Variants in MAGI2 observed in about 807,000 individuals in gnomAD.
MAGI2 encodes the protein membrane-associated guanylate kinase, WW and PDZ domain-containing protein 2.
In MAGI2, 35 loss-of-function variants were observed where a neutral mutation model predicts 133.3. That is an observed-to-expected ratio of 0.26 (90% confidence interval 0.20 to 0.35). MAGI2 has a LOEUF of 0.35. Among genes scored for constraint, MAGI2 ranks in the 10% least tolerant of loss-of-function variants. The probability of loss-of-function intolerance (pLI) is 1.00; values close to 1 mark genes in which losing one functional copy is unlikely to be tolerated. For synonymous variants in MAGI2, 729 were observed against 710.6 expected (o/e 1.03, Z -0.41); for missense variants, 1,636 against 1,863.4 (o/e 0.88, Z 2.25).
chr7:79,133,390 T>A (rs1585007951), intron 1 of MAGI2, among the ~76,000 whole-genome samples: 1 of 152,174 alleles, frequency 6.6e-6, no homozygotes, highest in Non-Finnish European at 1.5e-5. Flanking sequence ...TTTCCCAGCA[T>A]CACTTATTAA....
intron 1 of MAGI2, among the ~76,000 whole-genome samples, chr7:79,159,318 A>G (rs2129547580): frequency 6.6e-6 from 1 of 152,058 alleles, no homozygotes; most frequent in East Asian, 1.9e-4. Flanking sequence ...GTTTGAGACC[A>G]GCCTGGCCAA....
chr7:78,785,088 C>A (rs1339272934), intron 2 of MAGI2, among the ~76,000 whole-genome samples: 2 of 152,052 alleles, frequency 1.3e-5, no homozygotes, highest in Non-Finnish European at 2.9e-5. Flanking sequence ...GTTCACTAAA[C>A]AAAATGAACA....
intron 1 of MAGI2, among the ~76,000 whole-genome samples, chr7:79,173,429 G>A (rs1447814399): frequency 1.3e-5 from 2 of 151,934 alleles, no homozygotes; most frequent in African/African-American, 4.8e-5. Context: ...GGGCTCAAGT[G>A]ATCCTTCCAC....
At chr7:78,276,413 T>C (rs1050882822) in intron 9 of MAGI2, among the ~76,000 whole-genome samples, 93 of 152,260 alleles carry the variant, frequency 6.1e-4, no homozygotes, top group African/African-American at 2.2e-3. Flanking sequence ...AATCTGACAA[T>C]GCATCTACTT....
chr7:78,132,095 G>C (rs1821618477), intron 18 of MAGI2, among the ~76,000 whole-genome samples: 2 of 152,098 alleles, frequency 1.3e-5, no homozygotes, highest in Admixed American at 6.5e-5. Context: ...GGCTGGTCTT[G>C]AACTCCTGGG....
chr7:78,392,010 C>T lies in MAGI2; in HGVS notation c.1046-22797G>A, dbSNP rs558359328. On this transcript the variant is annotated intron_variant, in intron 6 of 21. Coordinates refer to ENST00000354212, the MANE Select transcript of MAGI2 (RefSeq NM_012301.4). ...GCAGGTAGTGAGAGCTGAAACTGGCCAGACATCGGCTCAGCTGTTCGACAG... is the reference window on the plus strand; with the variant it reads ...GCAGGTAGTGAGAGCTGAAACTGGCTAGACATCGGCTCAGCTGTTCGACAG... Among the ~76,000 whole-genome samples the T allele has an allele frequency of 2.0e-5, 3 of 152,272 alleles. No individual in the cohort carries two copies. In the South Asian group the frequency reaches 6.2e-4, roughly 32 times the overall value.
At chr7:79,425,619 C>T (rs980390673) in intron 1 of MAGI2, among the ~76,000 whole-genome samples, 4 of 148,218 alleles carry the variant, frequency 2.7e-5, no homozygotes, top group East Asian at 2.0e-4. Context: ...TGTATATATA[C>T]GTTTTGATTA....
chr7:78,600,375 GCATA>G (rs1300853060), intron 3 of MAGI2, among the ~76,000 whole-genome samples: 2 of 152,036 alleles, frequency 1.3e-5, no homozygotes, highest in Non-Finnish European at 2.9e-5. Flanking sequence ...TCTAGAGCCT[GCATA>G]CAGTTAGCAA....
Position 78,019,106 on chromosome 7 carries a change from C to G in MAGI2, c.*209G>C. 1 of 493,248 alleles carries G rather than the reference C, an allele frequency of 2.0e-6. No homozygotes were observed. Among genetic ancestry groups the G allele is most frequent in the African/African-American group, 2.0e-5 (1 of 49,702 alleles). The allele number at this position is 493,248 out of a possible 1,614,324, so 30.6% of individuals were successfully genotyped here. Reference sequence around the variant, plus strand: ...AGCTGCCAAAGCCCCCACAAGGGAACCGGGGGCTTTAGGATCAGTTTAGGT... The same window carrying G: ...AGCTGCCAAAGCCCCCACAAGGGAAGCGGGGGCTTTAGGATCAGTTTAGGT... On this transcript the variant is annotated 3_prime_UTR_variant, in exon 22 of 22. Coordinates refer to ENST00000354212, the MANE Select transcript of MAGI2 (RefSeq NM_012301.4).
chr7:79,249,530 A>G (rs1043543149), intron 1 of MAGI2, among the ~76,000 whole-genome samples: 4 of 152,142 alleles, frequency 2.6e-5, no homozygotes, highest in South Asian at 2.1e-4. Flanking sequence ...ATTATATGCC[A>G]ATGAATTGGA....
chr7:78,992,306 A>G (rs1051906925), intron 2 of MAGI2, among the ~76,000 whole-genome samples: 32 of 152,114 alleles, frequency 2.1e-4, no homozygotes, highest in African/African-American at 7.5e-4. Context: ...AGAGAATAGG[A>G]CGTATGTCTT....
At chr7:78,331,722 A>G (rs1427074341) in intron 9 of MAGI2, among the ~76,000 whole-genome samples, 2 of 152,274 alleles carry the variant, frequency 1.3e-5, no homozygotes, top group East Asian at 3.9e-4. Context: ...TATACCCAGT[A>G]GCATACTCTG....
chr7:78,545,552 T>A (rs977562595), intron 3 of MAGI2, among the ~76,000 whole-genome samples: 2 of 152,126 alleles, frequency 1.3e-5, no homozygotes, highest in South Asian at 4.1e-4. Context: ...TTTAAACAGA[T>A]TGTGTTTACC....
intron 2 of MAGI2, among the ~76,000 whole-genome samples, chr7:78,676,662 A>G (rs1253849486): frequency 6.6e-6 from 1 of 151,960 alleles, no homozygotes; most frequent in East Asian, 1.9e-4. Flanking sequence ...TTTTTGAAAA[A>G]CCGGTGTTTT....
chr7:78,183,252 ATTT>A (rs1207268406), intron 13 of MAGI2, among the ~76,000 whole-genome samples: 1 of 146,508 alleles, frequency 6.8e-6, no homozygotes, highest in Non-Finnish European at 1.5e-5. Flanking sequence ...ATTTTATCTT[ATTT>A]TTGTATTTTT....
intron 2 of MAGI2, among the ~76,000 whole-genome samples, chr7:78,909,717 G>C (rs183319262): frequency 3.9e-5 from 6 of 152,114 alleles, no homozygotes; most frequent in Non-Finnish European, 8.8e-5. Context: ...AACCATTGTG[G>C]AAGACAGTGT....
chr7:79,070,243 A>T (rs2117148833), intron 1 of MAGI2, among the ~76,000 whole-genome samples: 1 of 152,124 alleles, frequency 6.6e-6, no homozygotes, highest in Admixed American at 6.5e-5. Context: ...CAGGTACATC[A>T]ATCAAACGTA....
intron 6 of MAGI2, among the ~76,000 whole-genome samples, chr7:78,434,190 T>A (rs1800061802): frequency 6.6e-6 from 1 of 152,178 alleles, no homozygotes; most frequent in South Asian, 2.1e-4. Context: ...ATTCTGTGCA[T>A]TGGTAGAAAC....
At position 78,826,080 on chromosome 7, in the gene MAGI2, C is replaced by A. The variant is rs932073175; in HGVS notation, c.418+181010G>T. On this transcript the variant is annotated intron_variant, in intron 2 of 21. Transcript: ENST00000354212. Reference sequence around the variant, plus strand: ...TAAGAGCATATTAATAGGCCAGGCACGGTGGCTCACACCTGTAATCCCAGC... The same window carrying A: ...TAAGAGCATATTAATAGGCCAGGCAAGGTGGCTCACACCTGTAATCCCAGC... 3.9e-5 allele frequency among the ~76,000 whole-genome samples: 6 copies of A among 152,088 alleles called. No homozygotes were observed. In the South Asian group the frequency reaches 1.2e-3, roughly 32 times the overall value.
Sources: gnomAD v4.1 joint callset for allele counts (sites outside exome capture counted in the v4.1 genomes callset) on GRCh38, gnomAD v4.1.1 for gene constraint, MANE v1.5 for transcripts, NCBI Gene and HGNC (gene_info 2026-07-23, HGNC 2026-07-21) for gene names.